The following MTRF1 variants were observed in gnomAD, a reference collection of about 807,000 sequenced individuals.
MTRF1 encodes the protein mitochondrial translation release factor 1.
MTRF1 carries 51 observed loss-of-function variants against 62.9 expected under a neutral mutation model. The observed-to-expected ratio is 0.81, with a 90% CI of 0.65 to 1.02. The LOEUF (loss-of-function observed/expected upper bound fraction) is 1.02, where lower values mean the gene tolerates loss of function less well. Ranked by LOEUF, MTRF1 falls within the 50% of genes least tolerant of loss-of-function variation. MTRF1 has a pLI of 0.00. For synonymous variants in MTRF1, 158 were observed against 181.9 expected (o/e 0.87, Z 1.06); for missense variants, 446 against 530.0 (o/e 0.84, Z 1.56).
chr13:41,233,375 A>G (rs1010406437), intron 7 of MTRF1, among the ~76,000 whole-genome samples: 3 of 152,252 alleles, frequency 2.0e-5, no homozygotes, highest in Non-Finnish European at 4.4e-5. Flanking sequence ...AACCATATAC[A>G]TGAAATGTAA....
chr13:41,263,621 G>GC (rs565290497), upstream of MTRF1: 793 of 179,298 alleles, frequency 4.4e-3, 7 homozygotes, highest in African/African-American at 0.016. Context: ...CACGCTCCCG[G>GC]CCCCTCCTCC....
chr13:41,261,990 T>TAA (rs66812727), intron 1 of MTRF1: 24,071 of 146,832 alleles, frequency 0.16, 2,281 homozygotes, highest in African/African-American at 0.26. Context: ...GGTATACATG[T>TAA]AAAAAAAAAA....
At chr13:41,293,417 T>A in the MTRF1 span, among the ~76,000 whole-genome samples, 2 of 152,182 alleles carry the variant, frequency 1.3e-5, no homozygotes, top group African/African-American at 2.4e-5. Context: ...TTTGCCTGGG[T>A]TTACTGGTCA....
At chr13:41,292,020 C>T in the MTRF1 span, among the ~76,000 whole-genome samples, 3 of 152,140 alleles carry the variant, frequency 2.0e-5, no homozygotes, top group African/African-American at 7.2e-5. Context: ...TATAAGGAAT[C>T]TCTGTTCAAT....
At chr13:41,310,836 G>C in the MTRF1 span, among the ~76,000 whole-genome samples, 17 of 152,084 alleles carry the variant, frequency 1.1e-4, no homozygotes, top group Non-Finnish European at 2.1e-4. Flanking sequence ...TTCCTAAATG[G>C]GGAGAAATGC....
chr13:41,233,859 T>C (rs1025509980), intron 7 of MTRF1, 31 bp downstream of exon 7: 3 of 1,535,972 alleles, frequency 2.0e-6, no homozygotes, highest in Non-Finnish European at 2.7e-6. Flanking sequence ...GGAAAAAGGG[T>C]TAAAAGTACA....
chr13:41,217,515 T>TC (rs2032138573), intron 9 of MTRF1, among the ~76,000 whole-genome samples: 2 of 152,010 alleles, frequency 1.3e-5, no homozygotes, highest in Non-Finnish European at 2.9e-5. Context: ...ACTGACCACC[T>TC]CCCTCCCTTT....
At chr13:41,305,026 A>G in the MTRF1 span, among the ~76,000 whole-genome samples, 1 of 152,232 alleles carries the variant, frequency 6.6e-6, no homozygotes, top group Admixed American at 6.5e-5. Context: ...GCCAAATCTT[A>G]AGTATTCAAT....
At chr13:41,230,224 T>C (rs1778492628) in intron 7 of MTRF1, among the ~76,000 whole-genome samples, 1 of 152,192 alleles carries the variant, frequency 6.6e-6, no homozygotes, top group African/African-American at 2.4e-5. Context: ...ACTGGGTTAT[T>C]ATTACGGATG....
intron 7 of MTRF1, among the ~76,000 whole-genome samples, chr13:41,232,582 G>C (rs986765975): frequency 2.0e-5 from 3 of 152,210 alleles, no homozygotes; most frequent in Non-Finnish European, 4.4e-5. Context: ...GCTATTTTCA[G>C]ATCTACAAAG....
chr13:41,254,772 C>A, intron 2 of MTRF1, 152 bp from the exon 3 acceptor site: 1 of 536,214 alleles, frequency 1.9e-6, no homozygotes. Context: ...TGGAGAATGT[C>A]AATTAACAAG....
At chr13:41,273,189 G>A in the MTRF1 span, among the ~76,000 whole-genome samples, 14 of 152,170 alleles carry the variant, frequency 9.2e-5, no homozygotes, top group South Asian at 4.1e-4. Flanking sequence ...AGCTGGGCGT[G>A]GTGGTGGGCG....
the MTRF1 span, among the ~76,000 whole-genome samples, chr13:41,297,164 A>G: frequency 6.6e-6 from 1 of 152,202 alleles, no homozygotes; most frequent in Admixed American, 6.5e-5. Context: ...CTGATGGAGC[A>G]CTAAAATGAT....
In MTRF1 at chr13:41,260,581, C is replaced by G; in HGVS notation, c.327G>C (p.Arg109Ser). 3 of 1,614,140 alleles carry G rather than the reference C, an allele frequency of 1.9e-6. No homozygotes were observed. The highest frequency in any genetic ancestry group is 1.7e-6 in the Non-Finnish European group (2 of 1,180,028). ...NEENRRSLNR[R>S]HAELAPLAAI... ...CTGCAAGAGGTGCCAACTCAGCATGCCTTCTGTTCAAGGACCTTCGGTTTT... is the reference window on the plus strand; with the variant it reads ...CTGCAAGAGGTGCCAACTCAGCATGGCTTCTGTTCAAGGACCTTCGGTTTT... The change falls in exon 2 of 10, where the codon AGG becomes AGC. Residue 109 changes from arginine to serine, a missense_variant. By Grantham distance (110) the Arg-to-Ser change is moderately radical. Coordinates refer to ENST00000379480, the MANE Select transcript of MTRF1 (RefSeq NM_004294.4).
chr13:41,222,380 A>T (rs1027143966), intron 9 of MTRF1, among the ~76,000 whole-genome samples: 11 of 152,204 alleles, frequency 7.2e-5, no homozygotes, highest in South Asian at 2.1e-4. Flanking sequence ...GTAACACCTC[A>T]ATCTAATGAA....
the MTRF1 span, among the ~76,000 whole-genome samples, chr13:41,275,454 C>T: frequency 7.3e-5 from 11 of 151,368 alleles, no homozygotes; most frequent in East Asian, 1.8e-3. Flanking sequence ...CCCGCCTCGG[C>T]CTCCCAAAGT....
intron 2 of MTRF1, 26 bp downstream of exon 2, chr13:41,260,467 A>T (rs2040322892): frequency 6.3e-7 from 1 of 1,576,508 alleles, no homozygotes; most frequent in Non-Finnish European, 8.7e-7. Flanking sequence ...GCCCTTATGC[A>T]GGACACATAA....
chr13:41,234,779 T>C (rs1328782583), intron 6 of MTRF1, among the ~76,000 whole-genome samples: 2 of 152,162 alleles, frequency 1.3e-5, no homozygotes, highest in African/African-American at 2.4e-5. Context: ...CATTTGCCCA[T>C]TGCCAGCTGA....
Position 41,254,517 on chromosome 13 carries a change from C to A in MTRF1, c.507+12G>T, listed in dbSNP as rs1171158125. 1.9e-6 allele frequency: 3 copies of A among 1,608,452 alleles called. No individual in the cohort carries two copies. The highest frequency in any genetic ancestry group is 2.6e-6 in the Non-Finnish European group (3 of 1,175,398). ...CAGCACTATTGAAACTAGTCGACCT[C>A]TGAAAACCTACCTCATTGTACAACA... On this transcript the variant is annotated intron_variant, in intron 3 of 9. Transcript: ENST00000379480.
Sources: allele counts gnomAD v4.1 joint callset (sites outside exome capture counted in the v4.1 genomes callset), GRCh38; gene constraint gnomAD v4.1.1; transcripts MANE v1.5; gene names NCBI Gene and HGNC (gene_info 2026-07-23, HGNC 2026-07-21).